The following COMMD1 variants were observed in gnomAD, a reference collection of about 807,000 sequenced individuals.
The protein encoded by COMMD1 is COMM domain-containing protein 1.
A neutral mutation model predicts 17.2 loss-of-function variants in COMMD1; 10 were observed. That is an observed-to-expected ratio of 0.58 (90% CI 0.36 to 0.99). COMMD1 has a LOEUF of 0.99. Ranked by LOEUF, COMMD1 falls within the 50% of genes least tolerant of loss-of-function variation. The probability of loss-of-function intolerance (pLI) is 0.01; values close to 1 mark genes in which losing one functional copy is unlikely to be tolerated. For missense variants in COMMD1, 270 were observed against 231.8 expected (o/e 1.17, Z -1.07); for synonymous variants, 97 against 91.6 (o/e 1.06, Z -0.34).
chr2:62,097,688 T>C (rs1337040393), intron 2 of COMMD1, among the ~76,000 whole-genome samples: 1 of 152,140 alleles, frequency 6.6e-6, no homozygotes, highest in Admixed American at 6.5e-5. Flanking sequence ...TGAAAGGGAT[T>C]TGATTTAAAG....
chr2:61,908,328 G>A (rs1669823486), intron 1 of COMMD1, among the ~76,000 whole-genome samples: 2 of 150,584 alleles, frequency 1.3e-5, no homozygotes, highest in South Asian at 4.2e-4. Context: ...CCGGGTTTAA[G>A]TGATTCTCCT....
At chr2:62,022,237 C>T (rs775129419) in intron 2 of COMMD1, among the ~76,000 whole-genome samples, 1 of 151,858 alleles carries the variant, frequency 6.6e-6, no homozygotes, top group Non-Finnish European at 1.5e-5. Flanking sequence ...AGTATACAAT[C>T]GTATACAATA....
At chr2:62,124,589 G>T (rs533505709) in intron 2 of COMMD1, among the ~76,000 whole-genome samples, 4 of 151,698 alleles carry the variant, frequency 2.6e-5, no homozygotes, top group African/African-American at 4.8e-5. Flanking sequence ...TCACTCTGTC[G>T]CCCAGCCTGG....
intron 2 of COMMD1, among the ~76,000 whole-genome samples, chr2:62,087,679 G>A (rs1227053138): frequency 6.6e-6 from 1 of 152,132 alleles, no homozygotes; most frequent in Non-Finnish European, 1.5e-5. Flanking sequence ...CCAGGGAGAC[G>A]GAAATTGGAT....
rs144814347 is a variant in COMMD1 at position 62,040,773 on chromosome 2, C to T, written c.462+39791C>T. Among the ~76,000 whole-genome samples the T allele has an allele frequency of 3.2e-3, 488 of 152,092 alleles. 2 individuals are homozygous for T. Among genetic ancestry groups the T allele is most frequent in the African/African-American group, 0.011 (469 of 41,498 alleles). On this transcript the variant is annotated intron_variant, in intron 2 of 2. Coordinates refer to ENST00000311832, the MANE Select transcript of COMMD1 (RefSeq NM_152516.4). ...TCACCCAAGCTAGAGTGCAGTGGCG[C>T]GATCTCGACTCACTGCAACTTCTGC...
chr2:61,949,204 G>A (rs947333579), intron 1 of COMMD1, among the ~76,000 whole-genome samples: 2 of 152,226 alleles, frequency 1.3e-5, no homozygotes, highest in African/African-American at 2.4e-5. Flanking sequence ...TAGTGCTGCC[G>A]TGGCAGAGCA....
chr2:62,084,307 C>T, intron 2 of COMMD1, among the ~76,000 whole-genome samples: 1 of 152,064 alleles, frequency 6.6e-6, no homozygotes, highest in East Asian at 1.9e-4. Context: ...TAACCAGAAG[C>T]CTTACATAAC....
At chr2:62,096,773 A>G (rs1368027155) in intron 2 of COMMD1, among the ~76,000 whole-genome samples, 1 of 152,242 alleles carries the variant, frequency 6.6e-6, no homozygotes. Flanking sequence ...ATTGTAATTT[A>G]TCTTTTGACA....
At chr2:62,069,237 T>C (rs1671135685) in intron 2 of COMMD1, among the ~76,000 whole-genome samples, 1 of 152,162 alleles carries the variant, frequency 6.6e-6, no homozygotes, top group Non-Finnish European at 1.5e-5. Context: ...GCTCAAGCTA[T>C]CCTCCTGCCT....
intron 1 of COMMD1, among the ~76,000 whole-genome samples, chr2:61,915,493 T>A (rs1553367229): frequency 6.6e-6 from 1 of 152,110 alleles, no homozygotes; most frequent in Non-Finnish European, 1.5e-5. Context: ...AAAAATTGAT[T>A]AAAAATTTCT....
intron 1 of COMMD1, among the ~76,000 whole-genome samples, chr2:61,922,135 T>C (rs1171344379): frequency 6.6e-6 from 1 of 152,236 alleles, no homozygotes; most frequent in Non-Finnish European, 1.5e-5. Context: ...TTTTGTGTTA[T>C]GATATTAGAA....
At chr2:61,932,593 G>C (rs6722228) in intron 1 of COMMD1, among the ~76,000 whole-genome samples, 1 of 152,072 alleles carries the variant, frequency 6.6e-6, no homozygotes, top group Non-Finnish European at 1.5e-5. Context: ...TTAATCCCCA[G>C]ATTTATGTGT....
chr2:62,013,705 GAGA>G (rs1344508389), intron 2 of COMMD1, among the ~76,000 whole-genome samples: 1 of 152,182 alleles, frequency 6.6e-6, no homozygotes, highest in Non-Finnish European at 1.5e-5. Context: ...TGTAGAGAAT[GAGA>G]GAAAGTGAGG....
intron 1 of COMMD1, among the ~76,000 whole-genome samples, chr2:61,935,828 T>G (rs909928648): frequency 6.6e-6 from 1 of 152,114 alleles, no homozygotes; most frequent in African/African-American, 2.4e-5. Context: ...ATCGATTTTT[T>G]TTTTTTGAGA....
chr2:61,923,343 ATG>A (rs1307658219), intron 1 of COMMD1, among the ~76,000 whole-genome samples: 1 of 152,138 alleles, frequency 6.6e-6, no homozygotes, highest in Non-Finnish European at 1.5e-5. Context: ...ACATTAAACT[ATG>A]TGCAAAGTAT....
At chr2:62,035,828 A>C (rs999660085) in intron 2 of COMMD1, among the ~76,000 whole-genome samples, 3 of 150,948 alleles carry the variant, frequency 2.0e-5, no homozygotes, top group Admixed American at 1.3e-4. Flanking sequence ...AGGTGGGCAG[A>C]CCACCTGAGC....
chr2:62,129,614 T>C (rs1195807669), intron 2 of COMMD1, among the ~76,000 whole-genome samples: 2 of 152,224 alleles, frequency 1.3e-5, no homozygotes, highest in African/African-American at 4.8e-5. Context: ...TGAACTTCTC[T>C]GGCAGGCAAT....
chr2:62,127,761 T>G (rs1411489829), intron 2 of COMMD1, among the ~76,000 whole-genome samples: 1 of 152,316 alleles, frequency 6.6e-6, no homozygotes, highest in Admixed American at 6.5e-5. Context: ...TAGTGGCTCA[T>G]GTCTGTAATC....
chr2:61,983,229 G>C (rs527342916), intron 1 of COMMD1, among the ~76,000 whole-genome samples: 4 of 142,282 alleles, frequency 2.8e-5, no homozygotes, highest in Non-Finnish European at 6.0e-5. Context: ...TCCCTCTGTC[G>C]CCCAGGTTGG....
Sources: gnomAD v4.1 joint callset for allele counts (sites outside exome capture counted in the v4.1 genomes callset) on GRCh38, gnomAD v4.1.1 for gene constraint, MANE v1.5 for transcripts, NCBI Gene and HGNC (gene_info 2026-07-23, HGNC 2026-07-21) for gene names.